TMEM106B: variants seen among roughly 807,000 people sequenced by gnomAD.
The protein encoded by TMEM106B is transmembrane protein 106B.
Under a neutral mutation model 31.1 loss-of-function variants are expected in TMEM106B, and 15 were observed. The ratio of observed to expected loss-of-function variants is 0.48; its 90% confidence interval spans 0.32 to 0.74. The LOEUF (loss-of-function observed/expected upper bound fraction) is 0.74. Among genes scored for constraint, TMEM106B ranks in the 30% least tolerant of loss-of-function variants. TMEM106B has a pLI of 0.03. For synonymous variants in TMEM106B, 126 were observed against 112.5 expected, an observed-to-expected ratio of 1.12 and a Z score of -0.76; for missense variants, 283 against 327.3, an observed-to-expected ratio of 0.86 and a Z score of 1.04.
At chr7:12,218,395 T>C (rs1583451715) in intron 2 of TMEM106B, 63 bp from the exon 3 acceptor site, 1 of 1,380,482 alleles carries the variant, frequency 7.2e-7, no homozygotes, top group South Asian at 1.2e-5. Context: ...CAGATTGTGA[T>C]GGGGAGCCAT....
chr7:12,223,095 T>G (rs150132027), intron 3 of TMEM106B, among the ~76,000 whole-genome samples: 1 of 152,310 alleles, frequency 6.6e-6, no homozygotes, highest in Non-Finnish European at 1.5e-5. Flanking sequence ...AGGAAATAGT[T>G]ATTTGAACTC....
In TMEM106B at chr7:12,229,630, T is replaced by TTATA. The variant is rs201240388; in HGVS notation, c.442-48_442-47insATAT. ...AGTTACTTTAATTTTAAATACATAT[T>TTATA]TGTATATTTTTAGCTAACTTGTAAA... On this transcript the variant is annotated intron_variant, in intron 4 of 7. Coordinates refer to ENST00000396668, the MANE Select transcript of TMEM106B (RefSeq NM_001134232.2). 18 of 1,195,808 alleles carry TTATA rather than the reference T, an allele frequency of 1.5e-5. No individual in the cohort carries two copies. In the South Asian group the frequency reaches 2.4e-4, roughly 16 times the overall value. The allele number at this position is 1,195,808 out of a possible 1,614,324, so 74.1% of individuals were successfully genotyped here. A position where few individuals can be genotyped will look rare whatever the true frequency, so the allele number is the denominator to read the frequency against.
chr7:12,224,391 T>C lies in TMEM106B; in HGVS notation c.441+6T>C. ...CAATTTATTTAAATATCACAGTGAGTATAAATTTATATGAAAAATGTTTAA... is the reference window on the plus strand; with the variant it reads ...CAATTTATTTAAATATCACAGTGAGCATAAATTTATATGAAAAATGTTTAA... On this transcript the variant is annotated splice_donor_region_variant and intron_variant, in intron 4 of 7. Transcript: ENST00000396668. The C allele has an allele frequency of 6.3e-7, 1 of 1,591,956 alleles. No homozygotes were observed. The highest frequency in any genetic ancestry group is 8.6e-7 in the Non-Finnish European group (1 of 1,162,346).
intron 3 of TMEM106B, among the ~76,000 whole-genome samples, chr7:12,219,365 G>A (rs1242135946): frequency 1.3e-5 from 2 of 152,158 alleles, no homozygotes; most frequent in Non-Finnish European, 2.9e-5. Context: ...AGCTAGCAAA[G>A]CAACGCTGGC....
In TMEM106B at chr7:12,224,112, G is replaced by A. The variant is rs140826725; in HGVS notation, c.282-114G>A. The A allele has an allele frequency of 1.3e-4, 120 of 947,316 alleles. No homozygotes were observed. The East Asian group carries it at 2.9e-3, about 23-fold the overall frequency. 58.7% of individuals were successfully genotyped at this position (947,316 alleles called of 1,614,324 possible). On this transcript the variant is annotated intron_variant, in intron 3 of 7. Transcript: ENST00000396668. Reference sequence around the variant, plus strand: ...AGATGTGAAAATTTGGTAACATTTAGCATCTTATATATGTTGCTGCTGATA... The same window carrying A: ...AGATGTGAAAATTTGGTAACATTTAACATCTTATATATGTTGCTGCTGATA...
rs1554311585 is a variant in TMEM106B, at chr7:12,237,123, T to TGTG, written c.*5148_*5149insGTG. On this transcript the variant is annotated 3_prime_UTR_variant, in exon 8 of 8. Coordinates refer to ENST00000396668, the MANE Select transcript of TMEM106B (RefSeq NM_001134232.2). ...TGCTGTTCATGTAACAAAACATGCTTATAATAGCAAACAAATAGAAATGCC... is the reference window on the plus strand; with the variant it reads ...TGCTGTTCATGTAACAAAACATGCTTGTGATAATAGCAAACAAATAGAAATGCC... The TGTG allele has an allele frequency of 3.3e-5, 5 of 152,072 alleles. No homozygotes were observed. The highest frequency in any genetic ancestry group is 7.4e-5 in the Non-Finnish European group (5 of 67,966). The allele number at this position is 152,072 out of a possible 1,614,324, so 9.4% of individuals were successfully genotyped here.
chr7:12,230,730 A>G (rs1782005329), intron 6 of TMEM106B: 1 of 305,768 alleles, frequency 3.3e-6, no homozygotes, highest in Non-Finnish European at 5.9e-6. Flanking sequence ...TAAAATAATT[A>G]TAAATTTTCA....
intron 6 of TMEM106B, 103 bp downstream of exon 6, chr7:12,230,541 A>G: frequency 4.0e-6 from 3 of 755,916 alleles, no homozygotes; most frequent in South Asian, 1.9e-5. Flanking sequence ...TCAGTCAAAA[A>G]GAGTACATTA....
chr7:12,215,063 T>A (rs1265684823), intron 2 of TMEM106B, 36 bp downstream of exon 2: 1 of 1,563,938 alleles, frequency 6.4e-7, no homozygotes, highest in South Asian at 1.2e-5. Context: ...TTTAAATGAT[T>A]TTAGGTATTT....
intron 4 of TMEM106B, among the ~76,000 whole-genome samples, chr7:12,227,467 C>T (rs1337764612): frequency 6.6e-6 from 1 of 151,982 alleles, no homozygotes. Context: ...GTAAAGGATA[C>T]ACACATTCAT....
chr7:12,230,864 G>T (rs1003693893), intron 6 of TMEM106B, 198 bp from the exon 7 acceptor site: 10 of 423,236 alleles, frequency 2.4e-5, no homozygotes, highest in Admixed American at 1.3e-4. Context: ...CCCTGCAACT[G>T]CAGTGGCATG....
rs74297218 is a variant in TMEM106B at position 12,239,715 on chromosome 7, G to A, written c.*7740G>A. The A allele has an allele frequency of 6.6e-6, 1 of 152,070 alleles. No individual in the cohort carries two copies. Among genetic ancestry groups the A allele is most frequent in the Non-Finnish European group, 1.5e-5 (1 of 67,998 alleles). The allele number at this position is 152,070 out of a possible 1,614,324, so 9.4% of individuals were successfully genotyped here. On this transcript the variant is annotated 3_prime_UTR_variant, in exon 8 of 8. Transcript: ENST00000396668. ...AGGAGAGAGGGATGTGGGAACAGCTGGTTAGGAGAGCAGTCCGAACACACA... is the reference window on the plus strand; with the variant it reads ...AGGAGAGAGGGATGTGGGAACAGCTAGTTAGGAGAGCAGTCCGAACACACA...
At chr7:12,225,741 A>G (rs562579336) in intron 4 of TMEM106B, among the ~76,000 whole-genome samples, 2 of 152,096 alleles carry the variant, frequency 1.3e-5, no homozygotes, top group Non-Finnish European at 2.9e-5. Flanking sequence ...AGTTCTTTGT[A>G]GATCCTGGAT....
Position 12,241,957 on chromosome 7 carries a change from T to C in TMEM106B, c.*9982T>C, listed in dbSNP as rs1782243695. ...TGCCATTCTAACTGGCGTGAGATGG[T>C]TTCTCACTGTGGTTTTGATTTGCAT... is the stretch of plus-strand genomic sequence containing the variant. On this transcript the variant is annotated 3_prime_UTR_variant, in exon 8 of 8. Transcript: ENST00000396668. 1 of 152,192 alleles carries C rather than the reference T, an allele frequency of 6.6e-6. No individual in the cohort carries two copies. The highest frequency in any genetic ancestry group is 2.1e-4 in the South Asian group (1 of 4,828). 9.4% of individuals were successfully genotyped at this position (152,192 alleles called of 1,614,324 possible).
intron 4 of TMEM106B, among the ~76,000 whole-genome samples, chr7:12,226,009 T>C (rs1781893842): frequency 6.6e-6 from 1 of 152,208 alleles, no homozygotes; most frequent in African/African-American, 2.4e-5. Flanking sequence ...ATATTAGGTC[T>C]AACATTTAAG....
Position 12,241,018 on chromosome 7 carries a change from CAA to C in TMEM106B, c.*9045_*9046del, listed in dbSNP as rs1782229641. 6.6e-6 allele frequency: 1 copy of C among 152,132 alleles called. No individual in the cohort carries two copies. The highest frequency in any genetic ancestry group is 1.5e-5 in the Non-Finnish European group (1 of 68,016). The allele number at this position is 152,132 out of a possible 1,614,324, so 9.4% of individuals were successfully genotyped here. The stretch of plus-strand genomic sequence containing the variant: ...AAATAGCACTGAAAATGACAATAGA[CAA>C]ATGTAATTTCTGATTTTTAAGAAAT... On this transcript the variant is annotated 3_prime_UTR_variant, in exon 8 of 8. Coordinates refer to ENST00000396668, the MANE Select transcript of TMEM106B (RefSeq NM_001134232.2).
intron 1 of TMEM106B, among the ~76,000 whole-genome samples, chr7:12,212,422 AGACAAT>A: frequency 6.6e-6 from 1 of 152,020 alleles, no homozygotes; most frequent in East Asian, 1.9e-4. Flanking sequence ...GTGTTGATTA[AGACAAT>A]GATTTTTTAG....
chr7:12,217,287 A>G (rs571545762), intron 2 of TMEM106B, among the ~76,000 whole-genome samples: 2 of 152,326 alleles, frequency 1.3e-5, no homozygotes, highest in African/African-American at 4.8e-5. Context: ...GTAGGTGGAT[A>G]GATCTGATAA....
At chr7:12,222,911 A>G (rs560017164) in intron 3 of TMEM106B, among the ~76,000 whole-genome samples, 30 of 152,370 alleles carry the variant, frequency 2.0e-4, no homozygotes, top group African/African-American at 7.0e-4. Flanking sequence ...TACAAAGATT[A>G]AATCCATCAG....
Sources: allele counts gnomAD v4.1 joint callset (sites outside exome capture counted in the v4.1 genomes callset), GRCh38; gene constraint gnomAD v4.1.1; transcripts MANE v1.5; gene names NCBI Gene and HGNC (gene_info 2026-07-23, HGNC 2026-07-21).